The following ACSS3 variants were observed in gnomAD, a reference collection of about 807,000 sequenced individuals.
ACSS3 encodes acyl-CoA synthetase short chain family member 3.
In ACSS3, 64 loss-of-function variants were observed where a neutral mutation model predicts 84.2. The observed-to-expected ratio is 0.76, with a 90% CI of 0.62 to 0.94. The LOEUF is 0.94. Among genes scored for constraint, ACSS3 ranks in the 40% least tolerant of loss-of-function variants. The pLI is 0.00. For missense variants in ACSS3, 815 were observed against 867.6 expected, an observed-to-expected ratio of 0.94 and a Z score of 0.76; for synonymous variants, 317 against 310.1, an observed-to-expected ratio of 1.02 and a Z score of -0.23.
At chr12:81,146,853 G>A (rs1329178980) in intron 5 of ACSS3, among the ~76,000 whole-genome samples, 2 of 152,000 alleles carry the variant, frequency 1.3e-5, no homozygotes, top group African/African-American at 4.8e-5. Flanking sequence ...ATCATAAAGG[G>A]ATCATGATAA....
chr12:81,106,526 C>A (rs1453547868), intron 1 of ACSS3, among the ~76,000 whole-genome samples: 2 of 152,212 alleles, frequency 1.3e-5, no homozygotes, highest in East Asian at 3.9e-4. Flanking sequence ...TGAAACCATA[C>A]CCTTCCCCCA....
rs1437092413 is a variant in ACSS3, at chr12:81,174,782, T to C, written c.1099-6T>C. The stretch of plus-strand genomic sequence containing the variant: ...CCAGTGACATTTTAAATGAATCTCA[T>C]TGTAGGGGAAGCCTGTGGGAACACC... On this transcript the variant is annotated splice_polypyrimidine_tract_variant and splice_region_variant and intron_variant, in intron 7 of 15. Coordinates refer to ENST00000548058, the MANE Select transcript of ACSS3 (RefSeq NM_024560.4). 8 of 1,610,766 alleles carry C rather than the reference T, an allele frequency of 5.0e-6. No homozygotes were observed. Among genetic ancestry groups the C allele is most frequent in the Non-Finnish European group, 6.8e-6 (8 of 1,177,962 alleles).
chr12:81,106,177 A>G (rs2121476933), intron 1 of ACSS3, among the ~76,000 whole-genome samples: 1 of 152,292 alleles, frequency 6.6e-6, no homozygotes, highest in East Asian at 1.9e-4. Context: ...GCAAAGCTTC[A>G]TCTGTATTTA....
Position 81,218,358 on chromosome 12 carries a change from C to G in ACSS3, c.1450+1362C>G, listed in dbSNP as rs150498796. Among the ~76,000 whole-genome samples the G allele has an allele frequency of 2.0e-3, 298 of 152,202 alleles. 1 individual carries two copies. The highest frequency in any genetic ancestry group is 6.7e-3 in the African/African-American group (278 of 41,516). Reference sequence around the variant, plus strand: ...AGCTTTGGGAGACAAAATATGATTCCTAACATATGTTTCTTATTTGCATAT... The same window carrying G: ...AGCTTTGGGAGACAAAATATGATTCGTAACATATGTTTCTTATTTGCATAT... On this transcript the variant is annotated intron_variant, in intron 10 of 15. Transcript: ENST00000548058.
intron 1 of ACSS3, among the ~76,000 whole-genome samples, chr12:81,093,667 T>G (rs2121348534): frequency 6.6e-6 from 1 of 152,112 alleles, no homozygotes; most frequent in Admixed American, 6.5e-5. Context: ...AAAGAGTTCA[T>G]TTGTATCCAT....
chr12:81,090,369 C>G (rs1457875802), intron 1 of ACSS3, among the ~76,000 whole-genome samples: 2 of 151,982 alleles, frequency 1.3e-5, no homozygotes, highest in African/African-American at 4.8e-5. Flanking sequence ...TCTATTGATA[C>G]TTCTACCAAT....
At chr12:81,242,362 A>G (rs1340266265) in intron 13 of ACSS3, among the ~76,000 whole-genome samples, 6 of 152,076 alleles carry the variant, frequency 3.9e-5, no homozygotes, top group Non-Finnish European at 1.5e-5. Context: ...TGTGGCAATA[A>G]TCAATAGCTT....
intron 9 of ACSS3, among the ~76,000 whole-genome samples, chr12:81,213,963 CTTTCTTTCTTTCTTTCTT>C (rs1565724378): frequency 0.012 from 980 of 81,880 alleles, 35 homozygotes; most frequent in African/African-American, 0.045. Flanking sequence ...CTCTCTCTTT[CTTTCTTTCTTTCTTTCTT>C]TCTTTCTTTC....
chr12:81,164,461 G>A (rs1267640956), intron 7 of ACSS3, among the ~76,000 whole-genome samples: 2 of 152,144 alleles, frequency 1.3e-5, no homozygotes, highest in Non-Finnish European at 2.9e-5. Context: ...GTAAATAAGA[G>A]TAATCATTAT....
intron 1 of ACSS3, among the ~76,000 whole-genome samples, chr12:81,096,776 C>T (rs979031250): frequency 1.3e-5 from 2 of 152,144 alleles, no homozygotes; most frequent in Non-Finnish European, 2.9e-5. Flanking sequence ...CAGCTTCATC[C>T]ATGTCCCTGC....
Position 81,255,126 on chromosome 12 carries a change from T to C in ACSS3, c.*204T>C. 4.3e-6 allele frequency: 2 copies of C among 465,794 alleles called. No homozygotes were observed. The highest frequency in any genetic ancestry group is 7.5e-6 in the Non-Finnish European group (2 of 265,346). 28.9% of individuals were successfully genotyped at this position (465,794 alleles called of 1,614,324 possible). ...TGGTTTGACCCTGTTAGCATTGTTA[T>C]TAGTTATCTATAACATGGCTTATTG... On this transcript the variant is annotated 3_prime_UTR_variant, in exon 16 of 16. Coordinates refer to ENST00000548058, the MANE Select transcript of ACSS3 (RefSeq NM_024560.4).
chr12:81,142,748 A>C (rs1886152669), intron 4 of ACSS3, among the ~76,000 whole-genome samples: 1 of 152,236 alleles, frequency 6.6e-6, no homozygotes, highest in Non-Finnish European at 1.5e-5. Context: ...GAAAAATAAA[A>C]ATTAGTTTAT....
chr12:81,212,632 G>C (rs929863685), intron 9 of ACSS3, among the ~76,000 whole-genome samples: 6 of 151,976 alleles, frequency 3.9e-5, no homozygotes, highest in African/African-American at 1.4e-4. Flanking sequence ...GTAGTAGTGG[G>C]AATAAATGCA....
intron 11 of ACSS3, among the ~76,000 whole-genome samples, chr12:81,222,544 G>GT (rs2033145497): frequency 6.6e-6 from 1 of 151,996 alleles, no homozygotes; most frequent in Admixed American, 6.6e-5. Context: ...TGTGTAGGAT[G>GT]TTTTTATATT....
intron 13 of ACSS3, among the ~76,000 whole-genome samples, chr12:81,240,589 T>A (rs925365021): frequency 6.6e-6 from 1 of 152,046 alleles, no homozygotes; most frequent in Non-Finnish European, 1.5e-5. Flanking sequence ...TTGTTACAGT[T>A]TTCTATTTGT....
chr12:81,081,638 A>C (rs1412870484), intron 1 of ACSS3, among the ~76,000 whole-genome samples: 1 of 151,844 alleles, frequency 6.6e-6, no homozygotes, highest in African/African-American at 2.4e-5. Context: ...ATTGTGGTTG[A>C]CTCTCTGGGC....
chr12:81,182,434 A>G (rs2030996786), intron 8 of ACSS3, among the ~76,000 whole-genome samples: 1 of 152,226 alleles, frequency 6.6e-6, no homozygotes, highest in South Asian at 2.1e-4. Context: ...TATTACTAAC[A>G]TGAATACATA....
chr12:81,096,618 C>T (rs986409637), intron 1 of ACSS3, among the ~76,000 whole-genome samples: 1 of 152,142 alleles, frequency 6.6e-6, no homozygotes, highest in Non-Finnish European at 1.5e-5. Context: ...CTATCCCTCC[C>T]CTTGCCCCCC....
intron 9 of ACSS3, among the ~76,000 whole-genome samples, chr12:81,205,709 T>A (rs559311870): frequency 7.9e-5 from 12 of 152,208 alleles, no homozygotes; most frequent in African/African-American, 2.2e-4. Context: ...CTTTCATGTG[T>A]CCATGTTGAT....
Sources: gnomAD v4.1 joint callset for allele counts (sites outside exome capture counted in the v4.1 genomes callset) on GRCh38, gnomAD v4.1.1 for gene constraint, MANE v1.5 for transcripts, NCBI Gene and HGNC (gene_info 2026-07-23, HGNC 2026-07-21) for gene names.